The following ASAP1 variants were observed in gnomAD, a reference collection of about 807,000 sequenced individuals.
ASAP1 encodes ArfGAP with SH3 domain, ankyrin repeat and PH domain 1.
In ASAP1, 43 loss-of-function variants were observed where a neutral mutation model predicts 145.2. That is an observed-to-expected ratio of 0.30 (90% CI 0.23 to 0.38). ASAP1 has a LOEUF of 0.38. Ranked by LOEUF, ASAP1 falls within the 10% of genes least tolerant of loss-of-function variation. ASAP1 has a pLI of 1.00. For synonymous variants in ASAP1, 546 were observed against 515.5 expected (o/e 1.06, Z -0.80); for missense variants, 1,018 against 1,355.3 (o/e 0.75, Z 3.91).
intron 1 of ASAP1, among the ~76,000 whole-genome samples, chr8:130,440,494 T>A (rs567337349): frequency 1.4e-5 from 2 of 146,568 alleles, no homozygotes; most frequent in South Asian, 4.3e-4. Context: ...GCAACAGACC[T>A]AGACTCTGTC....
chr8:130,116,069 T>C (rs1377815280), intron 22 of ASAP1, among the ~76,000 whole-genome samples: 1 of 152,240 alleles, frequency 6.6e-6, no homozygotes, highest in African/African-American at 2.4e-5. Flanking sequence ...AAGGTCCCAG[T>C]CCAATCTGTG....
At chr8:130,318,859 G>T (rs952579843) in intron 3 of ASAP1, among the ~76,000 whole-genome samples, 2 of 152,158 alleles carry the variant, frequency 1.3e-5, no homozygotes, top group Non-Finnish European at 2.9e-5. Context: ...AAAAAGATCA[G>T]CAGGACAAAG....
intron 25 of ASAP1, chr8:130,084,548 A>G (rs2097488505): frequency 6.6e-6 from 1 of 152,218 alleles, no homozygotes; most frequent in Admixed American, 6.5e-5. Context: ...GTTTGTGGAA[A>G]GAGAGGGGGC....
chr8:130,385,413 G>C (rs1827966420), intron 2 of ASAP1, among the ~76,000 whole-genome samples: 1 of 152,238 alleles, frequency 6.6e-6, no homozygotes, highest in African/African-American at 2.4e-5. Flanking sequence ...GGGCACCTTA[G>C]AGTTAGGGCG....
intron 2 of ASAP1, 79 bp downstream of exon 2, chr8:130,401,805 TG>T: frequency 7.5e-7 from 1 of 1,335,730 alleles, no homozygotes; most frequent in East Asian, 2.3e-5. Flanking sequence ...GATAAAATTT[TG>T]CATTTCAACT....
chr8:130,223,887 A>G (rs1365256051), intron 4 of ASAP1, among the ~76,000 whole-genome samples: 1 of 152,160 alleles, frequency 6.6e-6, no homozygotes, highest in Non-Finnish European at 1.5e-5. Context: ...TGAACGAAGA[A>G]AAATCTTCCA....
At chr8:130,082,584 G>A (rs1031978412) in intron 25 of ASAP1, among the ~76,000 whole-genome samples, 1 of 150,438 alleles carries the variant, frequency 6.6e-6, no homozygotes, top group African/African-American at 2.4e-5. Flanking sequence ...GCTCACTGCA[G>A]CCTTAAACTC....
chr8:130,357,918 C>G, intron 3 of ASAP1, 99 bp downstream of exon 3: 13 of 1,457,646 alleles, frequency 8.9e-6, no homozygotes, highest in South Asian at 2.5e-5. Context: ...GTGGCGCCCC[C>G]GGCCCCCGCG....
chr8:130,253,706 A>G (rs1819343890), intron 3 of ASAP1, among the ~76,000 whole-genome samples: 1 of 152,216 alleles, frequency 6.6e-6, no homozygotes, highest in South Asian at 2.1e-4. Flanking sequence ...TGAAGACGAA[A>G]TGCACGCTCA....
chr8:130,292,309 C>T (rs1272987415), intron 3 of ASAP1, among the ~76,000 whole-genome samples: 1 of 152,104 alleles, frequency 6.6e-6, no homozygotes, highest in Non-Finnish European at 1.5e-5. Context: ...GCCTTGTCTG[C>T]GCATGTGGGT....
intron 2 of ASAP1, among the ~76,000 whole-genome samples, chr8:130,360,043 C>G (rs1826636641): frequency 6.6e-6 from 1 of 152,238 alleles, no homozygotes. Flanking sequence ...AGCAGAGTGG[C>G]TGTCAAAATA....
At chr8:130,103,003 T>C (rs1169784820) in intron 24 of ASAP1, among the ~76,000 whole-genome samples, 3 of 150,436 alleles carry the variant, frequency 2.0e-5, no homozygotes, top group Non-Finnish European at 4.4e-5. Flanking sequence ...GCTGTCTGTT[T>C]TTTAAAGATT....
At chr8:130,073,106 G>A (rs2097453524) in intron 27 of ASAP1, among the ~76,000 whole-genome samples, 1 of 151,970 alleles carries the variant, frequency 6.6e-6, no homozygotes, top group Non-Finnish European at 1.5e-5. Flanking sequence ...GATTATGGAC[G>A]AATACTTTGG....
chr8:130,275,514 A>C lies in ASAP1; in HGVS notation c.187-38520T>G, dbSNP rs1218427603. Among the ~76,000 whole-genome samples the C allele has an allele frequency of 2.0e-5, 3 of 152,188 alleles. No individual in the cohort carries two copies. In the East Asian group the frequency reaches 5.8e-4, roughly 29 times the overall value. On this transcript the variant is annotated intron_variant, in intron 3 of 29. Coordinates refer to ENST00000518721, the MANE Select transcript of ASAP1 (RefSeq NM_018482.4). ...CTCCTGGCTAGCCTAGGAAGGAGAA[A>C]ACACCTTCTAAACAGAGGTACACAC...
chr8:130,068,555 A>G (rs552550354), intron 27 of ASAP1, among the ~76,000 whole-genome samples: 154 of 152,360 alleles, frequency 1.0e-3, no homozygotes, highest in South Asian at 2.5e-3. Flanking sequence ...GGTTTTAAAC[A>G]CTACAGAGTA....
Position 130,201,905 on chromosome 8 carries a change from C to T in ASAP1, c.405+12651G>A, listed in dbSNP as rs1399648120. ...ATCACAGATTATGATAAATGTTTTG[C>T]AATATCTTTTACTCAGGACACACCT... is the stretch of plus-strand genomic sequence containing the variant. On this transcript the variant is annotated intron_variant, in intron 5 of 29. Transcript: ENST00000518721. Among the ~76,000 whole-genome samples, 5 of 152,150 alleles carry T rather than the reference C, an allele frequency of 3.3e-5. No individual in the cohort carries two copies. In the East Asian group the frequency reaches 9.6e-4, roughly 29 times the overall value.
intron 2 of ASAP1, among the ~76,000 whole-genome samples, chr8:130,366,709 T>C (rs1300784309): frequency 6.6e-6 from 1 of 152,098 alleles, no homozygotes; most frequent in Non-Finnish European, 1.5e-5. Context: ...TTAATTTAAA[T>C]TACTTTATTG....
chr8:130,072,843 T>C (rs1479564317), intron 27 of ASAP1, among the ~76,000 whole-genome samples: 1 of 19,126 alleles, frequency 5.2e-5, no homozygotes, highest in African/African-American at 2.3e-4. Context: ...GGGGGGGCAG[T>C]TTTGGGGACT....
At chr8:130,346,344 A>T (rs1310268365) in intron 3 of ASAP1, among the ~76,000 whole-genome samples, 1 of 152,254 alleles carries the variant, frequency 6.6e-6, no homozygotes, top group Non-Finnish European at 1.5e-5. Flanking sequence ...GTTGGTATTT[A>T]ATACACTGTC....
Sources: allele counts gnomAD v4.1 joint callset (sites outside exome capture counted in the v4.1 genomes callset), GRCh38; gene constraint gnomAD v4.1.1; transcripts MANE v1.5; gene names NCBI Gene and HGNC (gene_info 2026-07-23, HGNC 2026-07-21).